The following SPIRE1 variants were observed in gnomAD, a reference collection of about 807,000 sequenced individuals.
SPIRE1 encodes the protein protein spire homolog 1.
Under a neutral mutation model 94.1 loss-of-function variants are expected in SPIRE1, and 40 were observed. The observed-to-expected ratio is 0.43, with a 90% confidence interval of 0.33 to 0.55. The LOEUF is 0.55. Ranked by LOEUF, SPIRE1 falls within the 20% of genes least tolerant of loss-of-function variation. SPIRE1 has a pLI of 0.06. For missense variants in SPIRE1, 838 were observed against 975.2 expected, an observed-to-expected ratio of 0.86 and a Z score of 1.87; for synonymous variants, 376 against 371.7, an observed-to-expected ratio of 1.01 and a Z score of -0.13.
chr18:12,522,811 A>T (rs1281009435), intron 4 of SPIRE1, among the ~76,000 whole-genome samples: 2 of 152,216 alleles, frequency 1.3e-5, no homozygotes, highest in African/African-American at 2.4e-5. Flanking sequence ...AGCAAAAAAG[A>T]TTCCTTTCAA....
chr18:12,636,017 T>C (rs971092692), intron 1 of SPIRE1, among the ~76,000 whole-genome samples: 2 of 151,794 alleles, frequency 1.3e-5, no homozygotes, highest in Non-Finnish European at 2.9e-5. Flanking sequence ...GCCTCCTGAG[T>C]GAGTAGCTGG....
At chr18:12,600,733 T>C (rs1276673404) in intron 2 of SPIRE1, among the ~76,000 whole-genome samples, 1 of 152,114 alleles carries the variant, frequency 6.6e-6, no homozygotes, top group African/African-American at 2.4e-5. Flanking sequence ...ATTATTCTTT[T>C]TTTTTCTGAG....
At chr18:12,460,661 G>A (rs887220672) in intron 12 of SPIRE1, among the ~76,000 whole-genome samples, 3 of 150,936 alleles carry the variant, frequency 2.0e-5, no homozygotes, top group South Asian at 2.1e-4. Context: ...GTGGTGAATC[G>A]AGATTGAGCC....
chr18:12,453,030 G>C, intron 14 of SPIRE1, 38 bp downstream of exon 14: 1 of 1,350,344 alleles, frequency 7.4e-7, no homozygotes. Context: ...TCTTACGACT[G>C]TTAAATTTAT....
intron 3 of SPIRE1, among the ~76,000 whole-genome samples, chr18:12,537,973 C>G (rs867255227): frequency 6.6e-6 from 1 of 152,126 alleles, no homozygotes; most frequent in Non-Finnish European, 1.5e-5. Flanking sequence ...ATCCCAACAG[C>G]CTTTCTTTAA....
At chr18:12,553,503 C>T (rs1050787980) in intron 2 of SPIRE1, among the ~76,000 whole-genome samples, 1 of 152,108 alleles carries the variant, frequency 6.6e-6, no homozygotes, top group Admixed American at 6.5e-5. Flanking sequence ...GTGGAAGAGG[C>T]GAGGGAAGAG....
intron 1 of SPIRE1, chr18:12,653,392 C>T (rs1034951599): frequency 2.0e-5 from 3 of 152,238 alleles, no homozygotes; most frequent in African/African-American, 7.2e-5. Context: ...ACCTGCTATA[C>T]AGCAAGTCTT....
At chr18:12,656,264 G>C (rs1294065500) in intron 1 of SPIRE1, among the ~76,000 whole-genome samples, 1 of 151,786 alleles carries the variant, frequency 6.6e-6, no homozygotes, top group African/African-American at 2.4e-5. Flanking sequence ...ATAATTGCAA[G>C]TATTTCCCAC....
At position 12,450,695 on chromosome 18, in the gene SPIRE1, G is replaced by A. The variant is rs545541970; in HGVS notation, c.2013-799C>T. On this transcript the variant is annotated intron_variant, in intron 16 of 16. Transcript: ENST00000409402. ...GAAGGATTATGGACCAGCTAAGGGA[G>A]GCAAGAAGAAGGATCCTAATGCCCC... 27 of 646,158 alleles carry A rather than the reference G, an allele frequency of 4.2e-5. No individual in the cohort carries two copies. The South Asian group carries it at 4.4e-4, about 11-fold the overall frequency. The allele number at this position is 646,158 out of a possible 1,614,324, so 40.0% of individuals were successfully genotyped here. A position where few individuals can be genotyped will look rare whatever the true frequency, so the allele number is the denominator to read the frequency against.
rs1045738183 is a variant in SPIRE1 at position 12,449,111 on chromosome 18, A to T, written c.*527T>A. On this transcript the variant is annotated 3_prime_UTR_variant, in exon 17 of 17. Coordinates refer to ENST00000409402, the MANE Select transcript of SPIRE1 (RefSeq NM_001128626.2). ...TTTATCTCCAAGCAACAACATTTAA[A>T]AATCAGTTGAAGAGTGTCAGCAGGT... 3 of 153,162 alleles carry T rather than the reference A, an allele frequency of 2.0e-5. No homozygotes were observed. The highest frequency in any genetic ancestry group is 4.4e-5 in the Non-Finnish European group (3 of 68,610). 9.5% of individuals were successfully genotyped at this position (153,162 alleles called of 1,614,324 possible). A position where few individuals can be genotyped will look rare whatever the true frequency, so the allele number is the denominator to read the frequency against.
At chr18:12,658,500 C>A, upstream of SPIRE1, 2 of 455,936 alleles carry the variant, frequency 4.4e-6, no homozygotes, top group South Asian at 3.1e-5. Context: ...CCGACTCTGG[C>A]GGGGAACTGG....
intron 2 of SPIRE1, among the ~76,000 whole-genome samples, chr18:12,626,888 T>TATATATATATATATA (rs1567976766): frequency 4.4e-5 from 2 of 45,776 alleles, no homozygotes; most frequent in African/African-American, 1.1e-4. Flanking sequence ...ATATATATAT[T>TATATATATATATATA]TTTTTTTTTT....
intron 6 of SPIRE1, among the ~76,000 whole-genome samples, chr18:12,501,086 A>G (rs1332877078): frequency 2.0e-5 from 3 of 147,994 alleles, no homozygotes; most frequent in African/African-American, 7.5e-5. Context: ...AAAAAAAAAA[A>G]AAAAAAAAAG....
intron 6 of SPIRE1, among the ~76,000 whole-genome samples, chr18:12,500,311 C>A (rs2033610631): frequency 6.6e-6 from 1 of 152,160 alleles, no homozygotes; most frequent in African/African-American, 2.4e-5. Flanking sequence ...AAAATCTGAA[C>A]AGACATTTCT....
chr18:12,454,337 C>G lies in SPIRE1; in HGVS notation c.1776+9G>C, dbSNP rs2031400208. The G allele has an allele frequency of 2.5e-6, 4 of 1,614,008 alleles. No homozygotes were observed. In the East Asian group the frequency reaches 8.9e-5, roughly 36 times the overall value. ...ACTCTTCTGATCAATCAACTTTAAA[C>G]AGCACTACCTTTCCTTTTTTCAAGG... On this transcript the variant is annotated intron_variant, in intron 13 of 16. Coordinates refer to ENST00000409402, the MANE Select transcript of SPIRE1 (RefSeq NM_001128626.2).
chr18:12,473,494 A>C (rs2032442720), intron 10 of SPIRE1, among the ~76,000 whole-genome samples: 1 of 152,224 alleles, frequency 6.6e-6, no homozygotes, highest in Non-Finnish European at 1.5e-5. Context: ...CTGAGTAAAT[A>C]AAATACAGTA....
At chr18:12,457,173 T>C (rs547983268) in intron 12 of SPIRE1, among the ~76,000 whole-genome samples, 1 of 152,204 alleles carries the variant, frequency 6.6e-6, no homozygotes, top group Non-Finnish European at 1.5e-5. Flanking sequence ...TTGTTTGCTT[T>C]CTTGTTCTTT....
chr18:12,641,269 T>C (rs2038075246), intron 1 of SPIRE1, among the ~76,000 whole-genome samples: 1 of 152,202 alleles, frequency 6.6e-6, no homozygotes, highest in Non-Finnish European at 1.5e-5. Context: ...GGGACAATTT[T>C]TGTATTATTA....
chr18:12,654,315 C>A (rs569980503), intron 1 of SPIRE1, among the ~76,000 whole-genome samples: 178 of 129,162 alleles, frequency 1.4e-3, no homozygotes, highest in Middle Eastern at 5.6e-3. Flanking sequence ...CCAGCCTGGG[C>A]GACAAAGTGA....
Sources: gnomAD v4.1 joint callset for allele counts (sites outside exome capture counted in the v4.1 genomes callset) on GRCh38, gnomAD v4.1.1 for gene constraint, MANE v1.5 for transcripts, NCBI Gene and HGNC (gene_info 2026-07-23, HGNC 2026-07-21) for gene names.